FBXL17: variants seen among roughly 807,000 people sequenced by gnomAD.
The protein encoded by FBXL17 is F-box and leucine rich repeat protein 17, also known as F-box/LRR-repeat protein 17.
A neutral mutation model predicts 66.2 loss-of-function variants in FBXL17; 22 were observed. The observed-to-expected ratio is 0.33, with a 90% CI of 0.24 to 0.47. FBXL17 has a LOEUF of 0.47. Among genes scored for constraint, FBXL17 ranks in the 20% least tolerant of loss-of-function variants. The pLI, the probability that FBXL17 is intolerant of heterozygous loss-of-function variation, is 1.00. For missense variants in FBXL17, 878 were observed against 948.2 expected (o/e 0.93, Z 0.97); for synonymous variants, 474 against 400.5 (o/e 1.18, Z -2.19).
chr5:108,063,439 C>A (rs1338590220), intron 6 of FBXL17, among the ~76,000 whole-genome samples: 2 of 152,262 alleles, frequency 1.3e-5, no homozygotes, highest in South Asian at 2.1e-4. Context: ...AAGATCATAA[C>A]GATCCAGTAA....
intron 1 of FBXL17, among the ~76,000 whole-genome samples, chr5:108,374,048 T>G (rs895248536): frequency 1.3e-5 from 2 of 152,114 alleles, no homozygotes; most frequent in African/African-American, 4.8e-5. Context: ...ACAATACATA[T>G]AGCAAAAACT....
chr5:108,067,718 GC>G (rs1413077202), intron 6 of FBXL17, among the ~76,000 whole-genome samples: 1 of 152,084 alleles, frequency 6.6e-6, no homozygotes, highest in Non-Finnish European at 1.5e-5. Context: ...AAAGTGAAAG[GC>G]CCAATAAACT....
chr5:108,170,831 G>A (rs1752581281), intron 6 of FBXL17, among the ~76,000 whole-genome samples: 1 of 152,154 alleles, frequency 6.6e-6, no homozygotes, highest in African/African-American at 2.4e-5. Flanking sequence ...ACCGTGCCCA[G>A]CACTGTAAGA....
intron 6 of FBXL17, among the ~76,000 whole-genome samples, chr5:108,121,113 A>C (rs1750476519): frequency 6.6e-6 from 1 of 152,138 alleles, no homozygotes. Context: ...GCAGATCATA[A>C]GGTCAAGAGG....
chr5:108,046,400 T>A (rs192662944), intron 6 of FBXL17, among the ~76,000 whole-genome samples: 1 of 152,210 alleles, frequency 6.6e-6, no homozygotes, highest in Non-Finnish European at 1.5e-5. Flanking sequence ...ACTCTGTAAA[T>A]CTGTATCTTT....
At chr5:107,982,613 G>A (rs912770606) in intron 7 of FBXL17, among the ~76,000 whole-genome samples, 30 of 152,154 alleles carry the variant, frequency 2.0e-4, no homozygotes, top group African/African-American at 6.8e-4. Flanking sequence ...TAGGTTAATT[G>A]ATAGGACACA....
At position 107,860,613 on chromosome 5, in the gene FBXL17, C is replaced by G. The variant is rs1561508228; in HGVS notation, c.*1107G>C. 1 of 152,532 alleles carries G rather than the reference C, an allele frequency of 6.6e-6. No homozygotes were observed. The highest frequency in any genetic ancestry group is 2.4e-5 in the African/African-American group (1 of 41,426). The allele number at this position is 152,532 out of a possible 1,614,324, so 9.4% of individuals were successfully genotyped here. A position where few individuals can be genotyped will look rare whatever the true frequency, so the allele number is the denominator to read the frequency against. On this transcript the variant is annotated 3_prime_UTR_variant, in exon 9 of 9. Transcript: ENST00000542267. ...CTTTCTTAACTCATATATTAGCTAG[C>G]AATAGATCTTTGCAGTAGCATGAGA...
At chr5:108,148,259 GA>G (rs1751635703) in intron 6 of FBXL17, among the ~76,000 whole-genome samples, 1 of 151,862 alleles carries the variant, frequency 6.6e-6, no homozygotes, top group Non-Finnish European at 1.5e-5. Context: ...TAAAATATCA[GA>G]TAATAAGAGT....
At chr5:108,309,054 A>C (rs548517625) in intron 4 of FBXL17, among the ~76,000 whole-genome samples, 146 of 152,206 alleles carry the variant, frequency 9.6e-4, no homozygotes, top group African/African-American at 3.3e-3. Flanking sequence ...GAATTATTAC[A>C]GGGATACTTA....
rs1749876610 is a variant in FBXL17, at chr5:108,381,161, C to G, written c.531G>C (p.Gln177His). Residue 177 changes from glutamine (Q) to histidine (H), a missense_variant, in exon 1 of 9, where the codon CAG (glutamine) becomes CAC (histidine). Gln to His is a conservative substitution (Grantham distance 24). Coordinates refer to ENST00000542267, the MANE Select transcript of FBXL17 (RefSeq NM_001163315.3). ...GTGACGGTGTCGGCCCCCGGAAGAG[C>G]TGCACGGCGGCGGGCGGCCCCAGGA... is the stretch of plus-strand genomic sequence containing the variant. ...VRFLGPPAAV[Q>H]LFRGPTPSPA... is the part of the protein sequence containing the mutation. The G allele has an allele frequency of 1.4e-5, 20 of 1,422,676 alleles. No homozygotes were observed. The highest frequency in any genetic ancestry group is 3.0e-5 in the East Asian group (1 of 32,832). 88.1% of individuals were successfully genotyped at this position (1,422,676 alleles called of 1,614,324 possible). A position where few individuals can be genotyped will look rare whatever the true frequency, so the allele number is the denominator to read the frequency against.
intron 4 of FBXL17, among the ~76,000 whole-genome samples, chr5:108,296,857 CA>C (rs889007272): frequency 3.3e-5 from 5 of 151,314 alleles, no homozygotes; most frequent in Non-Finnish European, 7.4e-5. Context: ...TGACAAAAAT[CA>C]AAATTCTAAA....
Position 108,362,525 on chromosome 5 carries a change from A to G in FBXL17, c.1374+2213T>C, listed in dbSNP as rs367909236. ...TGTAGTTTTAAAAGATATATACAAT[A>G]GGAACACATTCCACTGGTAAAATTA... On this transcript the variant is annotated intron_variant, in intron 3 of 8. Transcript: ENST00000542267. 8.3e-4 allele frequency among the ~76,000 whole-genome samples: 126 copies of G among 152,286 alleles called. 4 individuals are homozygous for G. The South Asian group carries it at 0.026, about 32-fold the overall frequency.
chr5:107,973,398 G>A (rs1248503049), intron 7 of FBXL17, among the ~76,000 whole-genome samples: 1 of 145,850 alleles, frequency 6.9e-6, no homozygotes, highest in Admixed American at 6.9e-5. Flanking sequence ...ATCAGTCAGG[G>A]TTAGTGTATT....
At chr5:108,013,591 T>C (rs1252483289) in intron 7 of FBXL17, among the ~76,000 whole-genome samples, 2 of 152,096 alleles carry the variant, frequency 1.3e-5, no homozygotes, top group African/African-American at 4.8e-5. Flanking sequence ...AGGCAGAAAA[T>C]TTTACATGGT....
chr5:108,117,288 T>C (rs1251217655), intron 6 of FBXL17, among the ~76,000 whole-genome samples: 2 of 152,170 alleles, frequency 1.3e-5, no homozygotes, highest in African/African-American at 2.4e-5. Flanking sequence ...ATTAAGCATA[T>C]TGGGGGTTAC....
chr5:107,903,009 G>A (rs1448061404), intron 7 of FBXL17, among the ~76,000 whole-genome samples: 1 of 152,096 alleles, frequency 6.6e-6, no homozygotes, highest in Non-Finnish European at 1.5e-5. Flanking sequence ...TTATAAGACT[G>A]AAGAACTTTC....
At chr5:108,345,428 C>G (rs143002245) in intron 4 of FBXL17, among the ~76,000 whole-genome samples, 4 of 151,794 alleles carry the variant, frequency 2.6e-5, no homozygotes, top group Non-Finnish European at 5.9e-5. Context: ...ATTGTCCTCA[C>G]TTTCCACATG....
intron 6 of FBXL17, among the ~76,000 whole-genome samples, chr5:108,120,844 C>A (rs1370621059): frequency 6.6e-6 from 1 of 152,048 alleles, no homozygotes; most frequent in Non-Finnish European, 1.5e-5. Context: ...TCCTTAGTGC[C>A]TAGAATAGTG....
chr5:108,246,646 A>T (rs1756109734), intron 4 of FBXL17, among the ~76,000 whole-genome samples: 1 of 152,234 alleles, frequency 6.6e-6, no homozygotes. Flanking sequence ...AACTCTAATA[A>T]TCTCGTAAAC....
Sources: gnomAD v4.1 joint callset for allele counts (sites outside exome capture counted in the v4.1 genomes callset) on GRCh38, gnomAD v4.1.1 for gene constraint, MANE v1.5 for transcripts, NCBI Gene and HGNC (gene_info 2026-07-23, HGNC 2026-07-21) for gene names.